The following ARHGAP15 variants were observed in gnomAD, a reference collection of about 807,000 sequenced individuals.
The protein encoded by ARHGAP15 is rho GTPase-activating protein 15.
ARHGAP15 carries 51 observed loss-of-function variants against 63.7 expected under a neutral mutation model. The observed-to-expected ratio is 0.80, with a 90% confidence interval of 0.64 to 1.01. The LOEUF is 1.01. Ranked by LOEUF, ARHGAP15 falls within the 50% of genes least tolerant of loss-of-function variation. The probability of loss-of-function intolerance (pLI) is 0.00; values close to 1 mark genes in which losing one functional copy is unlikely to be tolerated. For missense variants in ARHGAP15, 560 were observed against 564.6 expected (o/e 0.99, Z 0.08); for synonymous variants, 191 against 193.8 (o/e 0.99, Z 0.12).
At chr2:143,314,722 T>C (rs1297504933) in intron 6 of ARHGAP15, 1 of 147,940 alleles carries the variant, frequency 6.8e-6, no homozygotes, top group East Asian at 1.9e-4. Context: ...ATCTAGATGA[T>C]AATGGAAAAT....
At chr2:143,643,427 A>ACCCCCCCCCC (rs10540732) in intron 12 of ARHGAP15, among the ~76,000 whole-genome samples, 1 of 128,434 alleles carries the variant, frequency 7.8e-6, no homozygotes, top group Admixed American at 8.1e-5. Flanking sequence ...CCCTCCACCC[A>ACCCCCCCCCC]CCCCCCCCCA....
At chr2:143,290,434 A>G (rs1574220695) in intron 6 of ARHGAP15, among the ~76,000 whole-genome samples, 1 of 152,226 alleles carries the variant, frequency 6.6e-6, no homozygotes, top group Non-Finnish European at 1.5e-5. Flanking sequence ...AAAAAGAAAA[A>G]AAAAAAGGGC....
intron 11 of ARHGAP15, among the ~76,000 whole-genome samples, chr2:143,573,596 T>G (rs936028778): frequency 6.6e-6 from 1 of 152,246 alleles, no homozygotes; most frequent in African/African-American, 2.4e-5. Flanking sequence ...GATAAGTGAA[T>G]GCACATTTAA....
intron 11 of ARHGAP15, among the ~76,000 whole-genome samples, chr2:143,594,732 T>G (rs1468774810): frequency 6.6e-6 from 1 of 152,180 alleles, no homozygotes; most frequent in African/African-American, 2.4e-5. Context: ...CTATGGAACA[T>G]GACACATAAT....
At chr2:143,341,562 C>T (rs1685057674) in intron 6 of ARHGAP15, among the ~76,000 whole-genome samples, 1 of 152,042 alleles carries the variant, frequency 6.6e-6, no homozygotes, top group African/African-American at 2.4e-5. Flanking sequence ...TTTGGTTATG[C>T]TTAGTCTAAA....
chr2:143,606,610 A>G (rs1698043039), intron 11 of ARHGAP15: 1 of 152,222 alleles, frequency 6.6e-6, no homozygotes, highest in East Asian at 1.9e-4. Context: ...CACTGTATAT[A>G]GACAACTCCT....
chr2:143,403,609 A>G (rs1280488214), intron 6 of ARHGAP15, among the ~76,000 whole-genome samples: 1 of 151,928 alleles, frequency 6.6e-6, no homozygotes, highest in Admixed American at 6.6e-5. Context: ...TGCATAATAC[A>G]TAATAATGGA....
chr2:143,699,286 A>C (rs1000614602), intron 12 of ARHGAP15, among the ~76,000 whole-genome samples: 2 of 152,154 alleles, frequency 1.3e-5, no homozygotes, highest in African/African-American at 4.8e-5. Flanking sequence ...TAACCTTTTC[A>C]GAAGATTTTG....
At chr2:143,609,076 A>T (rs930313203) in intron 11 of ARHGAP15, among the ~76,000 whole-genome samples, 45 of 152,204 alleles carry the variant, frequency 3.0e-4, no homozygotes, top group Non-Finnish European at 4.3e-4. Flanking sequence ...CAATTTCAGT[A>T]TTCTTCTGTT....
intron 12 of ARHGAP15, among the ~76,000 whole-genome samples, chr2:143,643,958 G>T (rs1680738778): frequency 6.6e-6 from 1 of 152,030 alleles, no homozygotes; most frequent in South Asian, 2.1e-4. Flanking sequence ...TACTGGCATT[G>T]CTCCTACAGA....
In ARHGAP15 at chr2:143,155,634, T is replaced by C. The variant is rs146989390; in HGVS notation, c.144T>C (p.Asp48=). The C allele has an allele frequency of 5.8e-5, 91 of 1,579,242 alleles. No homozygotes were observed. In the East Asian group the frequency reaches 2.1e-3, roughly 36 times the overall value. The change falls in exon 2 of 14, where the codon GAT becomes GAC. Residue 48 remains aspartate, a synonymous_variant. Transcript: ENST00000295095. ...LSQSKSMILT[D]VGKVTEPISR... ...AAAGTAAATCCATGATCCTCACCGA[T>C]GTCGGGAAGGTCACTGAACCTGTAA...
intron 12 of ARHGAP15, among the ~76,000 whole-genome samples, chr2:143,690,245 T>A (rs1683534368): frequency 6.6e-6 from 1 of 152,228 alleles, no homozygotes; most frequent in African/African-American, 2.4e-5. Flanking sequence ...TTACTCTCAG[T>A]CCCTGTTTAA....
chr2:143,150,943 T>A (rs1461870018), intron 1 of ARHGAP15, among the ~76,000 whole-genome samples: 1 of 152,030 alleles, frequency 6.6e-6, no homozygotes, highest in Non-Finnish European at 1.5e-5. Context: ...GAAATAAGCA[T>A]AAGCAAATAT....
intron 1 of ARHGAP15, among the ~76,000 whole-genome samples, chr2:143,145,564 G>C (rs988468805): frequency 6.6e-6 from 1 of 151,984 alleles, no homozygotes; most frequent in Non-Finnish European, 1.5e-5. Context: ...GAACTTCTCA[G>C]TATTCCCCAC....
chr2:143,222,950 G>T (rs1010328732), intron 4 of ARHGAP15, among the ~76,000 whole-genome samples: 1 of 152,014 alleles, frequency 6.6e-6, no homozygotes, highest in Non-Finnish European at 1.5e-5. Context: ...TATGTCAAAA[G>T]ATAAGATAAA....
rs1040403939 is a variant in ARHGAP15, at chr2:143,273,659, C to T, written c.474+23059C>T. ...ATGACATTTTAAAAAATATTAAATA[C>T]GTCAGTGTGGGCTAATATTTTATTT... On this transcript the variant is annotated intron_variant, in intron 6 of 13. Coordinates refer to ENST00000295095, the MANE Select transcript of ARHGAP15 (RefSeq NM_018460.4). 7.9e-5 allele frequency among the ~76,000 whole-genome samples: 12 copies of T among 152,126 alleles called. No individual in the cohort carries two copies. In the East Asian group the frequency reaches 9.6e-4, roughly 12 times the overall value.
chr2:143,418,465 G>A (rs189327975), intron 6 of ARHGAP15, among the ~76,000 whole-genome samples: 14 of 152,082 alleles, frequency 9.2e-5, no homozygotes, highest in African/African-American at 2.9e-4. Context: ...TCTTTTCTGA[G>A]GTGGAAGTCT....
At chr2:143,488,627 A>G (rs964632905) in intron 9 of ARHGAP15, among the ~76,000 whole-genome samples, 6 of 152,358 alleles carry the variant, frequency 3.9e-5, no homozygotes, top group African/African-American at 1.4e-4. Context: ...TTAATAAGCA[A>G]TCATTTCTCA....
intron 11 of ARHGAP15, among the ~76,000 whole-genome samples, chr2:143,585,615 C>T (rs1409451278): frequency 1.3e-5 from 2 of 152,094 alleles, no homozygotes; most frequent in Admixed American, 6.5e-5. Context: ...AATGACTGAA[C>T]TTCAAATAAA....
Sources: gnomAD v4.1 joint callset for allele counts (sites outside exome capture counted in the v4.1 genomes callset) on GRCh38, gnomAD v4.1.1 for gene constraint, MANE v1.5 for transcripts, NCBI Gene and HGNC (gene_info 2026-07-23, HGNC 2026-07-21) for gene names.